TENM2: variants seen among roughly 807,000 people sequenced by gnomAD.
TENM2 encodes the protein teneurin-2.
A neutral mutation model predicts 245.2 loss-of-function variants in TENM2; 52 were observed. That is an observed-to-expected ratio of 0.21 (90% CI 0.17 to 0.27). The LOEUF is 0.27. TENM2 is among the 10% of genes least tolerant of loss of function. TENM2 has a pLI of 1.00. For missense variants in TENM2, 3,046 were observed against 3,666.8 expected (o/e 0.83, Z 4.37); for synonymous variants, 1,363 against 1,438.9 (o/e 0.95, Z 1.19).
chr5:167,112,850 G>A, the TENM2 span, among the ~76,000 whole-genome samples: 1 of 152,204 alleles, frequency 6.6e-6, no homozygotes, highest in East Asian at 1.9e-4. Context: ...TTAGAGTAGA[G>A]GTGTGGCATC....
At chr5:167,686,704 C>T (rs1241674196) in intron 2 of TENM2, among the ~76,000 whole-genome samples, 3 of 151,958 alleles carry the variant, frequency 2.0e-5, no homozygotes, top group African/African-American at 7.3e-5. Context: ...TTTGAAAAAC[C>T]AAAAAGGATG....
chr5:167,284,716 A>G (rs1015707787), upstream of TENM2: 8 of 706,644 alleles, frequency 1.1e-5, no homozygotes, highest in African/African-American at 8.8e-5. Flanking sequence ...AACTGAAGGC[A>G]GCATTTCTTG....
chr5:168,110,039 C>T (rs201865015), intron 9 of TENM2, among the ~76,000 whole-genome samples: 177 of 121,860 alleles, frequency 1.5e-3, no homozygotes, highest in African/African-American at 4.7e-3. Context: ...AAGAACCCTT[C>T]TTTTTTTTTT....
At chr5:167,889,337 T>A (rs752701621) in intron 3 of TENM2, among the ~76,000 whole-genome samples, 2 of 152,186 alleles carry the variant, frequency 1.3e-5, no homozygotes, top group African/African-American at 2.4e-5. Flanking sequence ...GACAGGACTA[T>A]CTTCCTGCAT....
chr5:167,936,122 C>A (rs1207623716), intron 3 of TENM2, among the ~76,000 whole-genome samples: 2 of 152,160 alleles, frequency 1.3e-5, no homozygotes, highest in African/African-American at 4.8e-5. Flanking sequence ...GCCTTGTATG[C>A]AGTCAGGAAG....
intron 2 of TENM2, among the ~76,000 whole-genome samples, chr5:167,861,594 T>A (rs1199235321): frequency 2.0e-5 from 3 of 152,160 alleles, no homozygotes; most frequent in African/African-American, 7.2e-5. Context: ...TGGGGCAGGC[T>A]CTGGGGGCAT....
At chr5:167,633,734 C>T (rs1177940501) in intron 2 of TENM2, among the ~76,000 whole-genome samples, 1 of 151,936 alleles carries the variant, frequency 6.6e-6, no homozygotes, top group Non-Finnish European at 1.5e-5. Context: ...GACTAATCAC[C>T]TTATGTGACC....
At chr5:167,305,475 C>CT (rs1004158038) in intron 1 of TENM2, among the ~76,000 whole-genome samples, 42 of 152,288 alleles carry the variant, frequency 2.8e-4, no homozygotes, top group Admixed American at 8.5e-4. Context: ...TTTACAAGGT[C>CT]TTTTTTATCA....
At chr5:167,768,550 G>C (rs548719434) in intron 2 of TENM2, among the ~76,000 whole-genome samples, 1 of 152,114 alleles carries the variant, frequency 6.6e-6, no homozygotes, top group South Asian at 2.1e-4. Context: ...ATGTTTCCAC[G>C]ATTATCTCAA....
intron 1 of TENM2, among the ~76,000 whole-genome samples, chr5:167,359,605 C>A (rs1401700956): frequency 1.3e-5 from 2 of 151,828 alleles, no homozygotes; most frequent in African/African-American, 2.4e-5. Context: ...GCTTTTGTTG[C>A]GATTGCTAGG....
chr5:167,625,380 A>G (rs1778436338), intron 2 of TENM2, among the ~76,000 whole-genome samples: 1 of 152,104 alleles, frequency 6.6e-6, no homozygotes, highest in South Asian at 2.1e-4. Flanking sequence ...GTTTACCTTA[A>G]TTATTTTATT....
chr5:168,161,413 C>T (rs1415907480), intron 12 of TENM2, among the ~76,000 whole-genome samples: 1 of 152,134 alleles, frequency 6.6e-6, no homozygotes, highest in African/African-American at 2.4e-5. Flanking sequence ...AGCAAGAAAA[C>T]ATATCCCAAG....
the TENM2 span, among the ~76,000 whole-genome samples, chr5:167,139,281 C>G: frequency 6.6e-6 from 1 of 152,178 alleles, no homozygotes; most frequent in Non-Finnish European, 1.5e-5. Context: ...GTCAACATTT[C>G]CTTCACTGAT....
intron 2 of TENM2, among the ~76,000 whole-genome samples, chr5:167,485,278 C>CTGG: frequency 6.6e-6 from 1 of 152,098 alleles, no homozygotes; most frequent in South Asian, 2.1e-4. Context: ...TTAATCTTCC[C>CTGG]AGGAAGAAGC....
At chr5:167,893,439 C>G (rs1157775457) in intron 3 of TENM2, among the ~76,000 whole-genome samples, 1 of 152,104 alleles carries the variant, frequency 6.6e-6, no homozygotes. Context: ...ATCAAGACCC[C>G]TGCTGTGTCC....
At chr5:167,875,336 T>C (rs1397461031) in intron 2 of TENM2, among the ~76,000 whole-genome samples, 1 of 152,036 alleles carries the variant, frequency 6.6e-6, no homozygotes, top group Non-Finnish European at 1.5e-5. Flanking sequence ...AATGGCTTGG[T>C]GTGTTCAAAC....
intron 2 of TENM2, among the ~76,000 whole-genome samples, chr5:167,670,656 T>C (rs1231916931): frequency 6.6e-6 from 1 of 152,162 alleles, no homozygotes; most frequent in Non-Finnish European, 1.5e-5. Context: ...TCCTGGGACA[T>C]GCACGTTCAC....
the TENM2 span, among the ~76,000 whole-genome samples, chr5:167,246,832 G>A: frequency 6.6e-6 from 1 of 151,916 alleles, no homozygotes; most frequent in South Asian, 2.1e-4. Flanking sequence ...GGCCAATTGT[G>A]GGGAATGTGG....
the TENM2 span, among the ~76,000 whole-genome samples, chr5:167,023,700 A>T: frequency 6.6e-6 from 1 of 152,006 alleles, no homozygotes; most frequent in Admixed American, 6.6e-5. Context: ...AGTTTTATGT[A>T]CTCTCAAGCA....
Sources: allele counts gnomAD v4.1 joint callset (sites outside exome capture counted in the v4.1 genomes callset), GRCh38; gene constraint gnomAD v4.1.1; transcripts MANE v1.5; gene names NCBI Gene and HGNC (gene_info 2026-07-23, HGNC 2026-07-21).